PDE1A: variants seen among roughly 807,000 people sequenced by gnomAD.
PDE1A encodes the protein phosphodiesterase 1A.
Under a neutral mutation model 61.7 loss-of-function variants are expected in PDE1A, and 35 were observed. The ratio of observed to expected loss-of-function variants is 0.57; its 90% CI spans 0.43 to 0.75. The LOEUF (loss-of-function observed/expected upper bound fraction) is 0.75. Among genes scored for constraint, PDE1A ranks in the 30% least tolerant of loss-of-function variants. The pLI is 0.00. For synonymous variants in PDE1A, 232 were observed against 213.2 expected (o/e 1.09, Z -0.77); for missense variants, 597 against 630.6 (o/e 0.95, Z 0.57).
chr2:182,663,987 C>T, the PDE1A span, among the ~76,000 whole-genome samples: 2 of 152,098 alleles, frequency 1.3e-5, no homozygotes, highest in South Asian at 4.1e-4. Context: ...TTTTATATAG[C>T]AAATGATTAA....
the PDE1A span, among the ~76,000 whole-genome samples, chr2:182,638,691 A>G: frequency 0.64 from 98,002 of 152,120 alleles, 31,712 homozygotes; most frequent in Admixed American, 0.73. Flanking sequence ...AGCAAAAGCA[A>G]CTAAAATCAT....
intron 1 of PDE1A, among the ~76,000 whole-genome samples, chr2:182,361,856 C>G (rs1227778514): frequency 6.6e-6 from 1 of 151,960 alleles, no homozygotes; most frequent in Non-Finnish European, 1.5e-5. Context: ...ATTCCCTTGA[C>G]TTTTCTAGAT....
the PDE1A span, among the ~76,000 whole-genome samples, chr2:182,595,823 G>A: frequency 3.9e-5 from 6 of 152,120 alleles, no homozygotes; most frequent in South Asian, 2.1e-4. Flanking sequence ...TTTGACATCC[G>A]GAATAAAGAT....
At chr2:182,609,778 T>A in the PDE1A span, among the ~76,000 whole-genome samples, 1 of 152,114 alleles carries the variant, frequency 6.6e-6, no homozygotes, top group Admixed American at 6.5e-5. Context: ...CCAGAGTGGG[T>A]CCCACCCCAT....
At chr2:182,265,396 T>C (rs1692562406) in intron 1 of PDE1A, among the ~76,000 whole-genome samples, 1 of 152,150 alleles carries the variant, frequency 6.6e-6, no homozygotes, top group South Asian at 2.1e-4. Flanking sequence ...GCAAACATTA[T>C]TTTAAAAGTT....
chr2:182,678,731 A>T, the PDE1A span, among the ~76,000 whole-genome samples: 96,997 of 151,956 alleles, frequency 0.64, 31,479 homozygotes, highest in Middle Eastern at 0.78. Flanking sequence ...AATGCTAAAA[A>T]TATACTTAAT....
the PDE1A span, among the ~76,000 whole-genome samples, chr2:182,602,988 C>CACACACAT: frequency 7.9e-6 from 1 of 125,934 alleles, no homozygotes; most frequent in Non-Finnish European, 1.6e-5. Flanking sequence ...ACATCACACA[C>CACACACAT]ACACACATAC....
chr2:182,460,333 T>C (rs536692372), intron 2 of PDE1A, among the ~76,000 whole-genome samples: 1 of 152,254 alleles, frequency 6.6e-6, no homozygotes, highest in East Asian at 1.9e-4. Flanking sequence ...CCAGTGTTAC[T>C]TCCCATCACC....
chr2:182,225,921 C>A (rs1472244390), intron 6 of PDE1A, among the ~76,000 whole-genome samples: 2 of 149,742 alleles, frequency 1.3e-5, no homozygotes, highest in Admixed American at 1.3e-4. Context: ...TGTTCATAGA[C>A]ACATTTAATT....
At chr2:182,521,949 T>C (rs559173558) in intron 2 of PDE1A, among the ~76,000 whole-genome samples, 1 of 152,286 alleles carries the variant, frequency 6.6e-6, no homozygotes, top group South Asian at 2.1e-4. Flanking sequence ...ATTTTATTTG[T>C]GGCAGTATCC....
the PDE1A span, among the ~76,000 whole-genome samples, chr2:182,561,440 G>A: frequency 1.3e-5 from 2 of 152,180 alleles, no homozygotes; most frequent in Non-Finnish European, 2.9e-5. Context: ...CCAGTACCAT[G>A]CTGTTTTGGT....
chr2:182,389,345 G>T (rs1379944388), intron 1 of PDE1A, among the ~76,000 whole-genome samples: 1 of 152,076 alleles, frequency 6.6e-6, no homozygotes, highest in South Asian at 2.1e-4. Context: ...TCTGAAAAGG[G>T]TGTTTTGAAT....
intron 2 of PDE1A, among the ~76,000 whole-genome samples, chr2:182,479,634 C>G (rs1687583846): frequency 6.6e-6 from 1 of 151,334 alleles, no homozygotes; most frequent in Non-Finnish European, 1.5e-5. Context: ...ATTGTGACAA[C>G]ACTAAAGACT....
intron 1 of PDE1A, among the ~76,000 whole-genome samples, chr2:182,319,041 G>A (rs906240570): frequency 2.6e-5 from 4 of 152,000 alleles, no homozygotes; most frequent in Non-Finnish European, 4.4e-5. Context: ...ATGCCTTCAT[G>A]TTTTGAAAAT....
the PDE1A span, among the ~76,000 whole-genome samples, chr2:182,693,906 C>CA: frequency 6.6e-6 from 1 of 152,120 alleles, no homozygotes; most frequent in Non-Finnish European, 1.5e-5. Flanking sequence ...CTTAGGCTCC[C>CA]AAAGTTCTGG....
In PDE1A at chr2:182,214,366, A is replaced by G. The variant is rs570870319; in HGVS notation, c.777-8301T>C. Among the ~76,000 whole-genome samples the G allele has an allele frequency of 9.0e-3, 1,365 of 152,080 alleles. 25 individuals carry two copies. The highest frequency in any genetic ancestry group is 0.031 in the African/African-American group (1,291 of 41,382). The stretch of plus-strand genomic sequence containing the variant: ...AAGAAACTGCATCAACTAACGAGCA[A>G]AATAACCAGCCAACATCATAATGAC... On this transcript the variant is annotated intron_variant, in intron 7 of 13. Transcript: ENST00000351439.
At chr2:182,185,362 C>T (rs1484918609) in intron 13 of PDE1A, among the ~76,000 whole-genome samples, 2 of 152,142 alleles carry the variant, frequency 1.3e-5, no homozygotes, top group Non-Finnish European at 2.9e-5. Flanking sequence ...TTTGAAGCAG[C>T]TAATATGTCA....
intron 8 of PDE1A, among the ~76,000 whole-genome samples, chr2:182,203,324 A>AAAAAC (rs113107221): frequency 0.19 from 28,732 of 151,782 alleles, 2,947 homozygotes; most frequent in East Asian, 0.32. Flanking sequence ...CGTCTGAAAA[A>AAAAAC]AAAACAAAAC....
chr2:182,141,655 T>C (rs1291021142), exon 15 of PDE1A: 1 of 152,118 alleles, frequency 6.6e-6, no homozygotes, highest in African/African-American at 2.4e-5. Flanking sequence ...AAGTTGTGAG[T>C]TATAAAATCT....
Sources: gnomAD v4.1 joint callset for allele counts (sites outside exome capture counted in the v4.1 genomes callset) on GRCh38, gnomAD v4.1.1 for gene constraint, MANE v1.5 for transcripts, NCBI Gene and HGNC (gene_info 2026-07-23, HGNC 2026-07-21) for gene names.